The following CEP83 variants were observed in gnomAD, a reference collection of about 807,000 sequenced individuals.
CEP83 encodes the protein centrosomal protein of 83 kDa.
Under a neutral mutation model 101.9 loss-of-function variants are expected in CEP83, and 70 were observed. The observed-to-expected ratio is 0.69, with a 90% CI of 0.57 to 0.84. The LOEUF (loss-of-function observed/expected upper bound fraction) is 0.84. Ranked by LOEUF, CEP83 falls within the 40% of genes least tolerant of loss-of-function variation. CEP83 has a pLI of 0.00. For missense variants in CEP83, 715 were observed against 787.2 expected, an observed-to-expected ratio of 0.91 and a Z score of 1.10; for synonymous variants, 264 against 267.9, an observed-to-expected ratio of 0.99 and a Z score of 0.14.
intron 6 of CEP83, among the ~76,000 whole-genome samples, chr12:94,392,384 TGAC>T (rs1358862706): frequency 2.0e-5 from 3 of 152,190 alleles, no homozygotes; most frequent in Non-Finnish European, 4.4e-5. Flanking sequence ...TGCTCCTGAA[TGAC>T]TACTGGGTAA....
intron 14 of CEP83, among the ~76,000 whole-genome samples, chr12:94,324,963 G>A (rs1030147310): frequency 6.6e-6 from 1 of 152,070 alleles, no homozygotes; most frequent in Non-Finnish European, 1.5e-5. Flanking sequence ...TTCTATTCTA[G>A]CTCCCTGGGC....
the CEP83 span, chr12:94,277,884 T>C: frequency 2.2e-6 from 1 of 454,946 alleles, no homozygotes; most frequent in Admixed American, 2.4e-5. Context: ...GGTACTGTTA[T>C]TACACCCATT....
intron 2 of CEP83, among the ~76,000 whole-genome samples, chr12:94,430,758 C>G (rs1392310905): frequency 3.3e-5 from 5 of 152,162 alleles, no homozygotes; most frequent in African/African-American, 1.2e-4. Flanking sequence ...CATCCAGATA[C>G]AAGAGGCTCA....
downstream of CEP83, chr12:94,305,118 C>T: frequency 9.8e-7 from 1 of 1,022,094 alleles, no homozygotes; most frequent in Non-Finnish European, 1.5e-6. Context: ...ATCAGGTATG[C>T]AAAAAACAGA....
At chr12:94,405,930 T>C (rs1044704790) in intron 4 of CEP83, among the ~76,000 whole-genome samples, 2 of 152,116 alleles carry the variant, frequency 1.3e-5, no homozygotes, top group Admixed American at 1.3e-4. Context: ...GATTAACACA[T>C]GTGTGCAAGG....
chr12:94,274,944 G>T, the CEP83 span, among the ~76,000 whole-genome samples: 1 of 152,164 alleles, frequency 6.6e-6, no homozygotes, highest in African/African-American at 2.4e-5. Flanking sequence ...CACCTATAAA[G>T]CACTCCTTAA....
intron 2 of CEP83, among the ~76,000 whole-genome samples, chr12:94,432,058 CTTT>C (rs200437957): frequency 4.2e-5 from 6 of 143,178 alleles, no homozygotes; most frequent in South Asian, 2.2e-4. Flanking sequence ...TTAACTTTTT[CTTT>C]TTTTTTTTTT....
intron 2 of CEP83, among the ~76,000 whole-genome samples, chr12:94,431,990 T>C (rs988638573): frequency 2.0e-5 from 3 of 152,188 alleles, no homozygotes; most frequent in Admixed American, 1.3e-4. Context: ...ACTCAGGTTA[T>C]TGCAGCACTA....
chr12:94,367,463 T>C (rs761985193), intron 11 of CEP83, among the ~76,000 whole-genome samples: 8 of 152,096 alleles, frequency 5.3e-5, no homozygotes, highest in Non-Finnish European at 1.0e-4. Context: ...CTGACAAGTA[T>C]TTGTCAAAGT....
At chr12:94,284,914 G>A in the CEP83 span, among the ~76,000 whole-genome samples, 3 of 152,228 alleles carry the variant, frequency 2.0e-5, no homozygotes, top group Admixed American at 2.0e-4. Flanking sequence ...TGTGTGAGAT[G>A]TAGATAGAAG....
At chr12:94,324,155 G>A (rs2058867672) in intron 14 of CEP83, among the ~76,000 whole-genome samples, 1 of 152,138 alleles carries the variant, frequency 6.6e-6, no homozygotes, top group Non-Finnish European at 1.5e-5. Flanking sequence ...TCTCATAAGT[G>A]GAGATGTGTT....
chr12:94,373,796 C>T (rs1372792967), intron 8 of CEP83, among the ~76,000 whole-genome samples: 1 of 152,184 alleles, frequency 6.6e-6, no homozygotes, highest in Non-Finnish European at 1.5e-5. Flanking sequence ...GACAAACACA[C>T]CCCAGGTGTT....
intron 14 of CEP83, among the ~76,000 whole-genome samples, chr12:94,327,176 A>G (rs1462167522): frequency 5.9e-5 from 9 of 152,240 alleles, no homozygotes; most frequent in Admixed American, 5.9e-4. Flanking sequence ...TCGATGCCTT[A>G]GTGTTATAAA....
At chr12:94,279,628 C>T in the CEP83 span, 1 of 1,614,166 alleles carries the variant, frequency 6.2e-7, no homozygotes, top group Non-Finnish European at 8.5e-7. Context: ...TTATGGACTT[C>T]AGCTTAATGA....
intron 11 of CEP83, 72 bp from the exon 12 acceptor site, chr12:94,335,736 C>T (rs2059420305): frequency 1.0e-6 from 1 of 978,444 alleles, no homozygotes; most frequent in Non-Finnish European, 1.5e-6. Flanking sequence ...ATTAAAGAGT[C>T]ATTTTATTGA....
chr12:94,406,395 C>G (rs570376491), intron 4 of CEP83, among the ~76,000 whole-genome samples: 1 of 151,564 alleles, frequency 6.6e-6, no homozygotes, highest in East Asian at 1.9e-4. Context: ...ATTTTAAAAA[C>G]AAAGTTCACA....
At chr12:94,266,112 G>A in the CEP83 span, among the ~76,000 whole-genome samples, 1 of 152,230 alleles carries the variant, frequency 6.6e-6, no homozygotes, top group Non-Finnish European at 1.5e-5. Flanking sequence ...TAAGAGAGCT[G>A]AGTCTTCTGT....
At chr12:94,358,176 C>T (rs895942075) in intron 11 of CEP83, among the ~76,000 whole-genome samples, 5 of 152,052 alleles carry the variant, frequency 3.3e-5, no homozygotes, top group Admixed American at 1.3e-4. Context: ...GTGAGGGGCC[C>T]GATGGACAAC....
chr12:94,352,466 A>G lies in CEP83; in HGVS notation c.1343+15328T>C, dbSNP rs565682910. ...ATGAAAAAGAAAACATGACACCTCA[A>G]ATGGAACCCAATAATACTCCAGTAA... is the stretch of plus-strand genomic sequence containing the variant. On this transcript the variant is annotated intron_variant, in intron 11 of 16. Coordinates refer to ENST00000397809, the MANE Select transcript of CEP83 (RefSeq NM_016122.3). 3.8e-4 allele frequency among the ~76,000 whole-genome samples: 58 copies of G among 151,904 alleles called. 1 individual carries two copies. The South Asian group carries it at 0.011, about 29-fold the overall frequency.
Sources: gnomAD v4.1 joint callset for allele counts (sites outside exome capture counted in the v4.1 genomes callset) on GRCh38, gnomAD v4.1.1 for gene constraint, MANE v1.5 for transcripts, NCBI Gene and HGNC (gene_info 2026-07-23, HGNC 2026-07-21) for gene names.